The following MINDY2 variants were observed in gnomAD, a reference collection of about 807,000 sequenced individuals.
The protein encoded by MINDY2 is ubiquitin carboxyl-terminal hydrolase MINDY-2.
In MINDY2, 52 loss-of-function variants were observed where a neutral mutation model predicts 68.2. The ratio of observed to expected loss-of-function variants is 0.76; its 90% CI spans 0.61 to 0.96. The LOEUF (loss-of-function observed/expected upper bound fraction) is 0.96, where lower values mean the gene tolerates loss of function less well. MINDY2 is among the 40% of genes least tolerant of loss of function. MINDY2 has a pLI of 0.00. For missense variants in MINDY2, 881 were observed against 773.4 expected (o/e 1.14, Z -1.65); for synonymous variants, 372 against 303.0 (o/e 1.23, Z -2.36).
chr15:58,810,172 C>CT, intron 3 of MINDY2, 58 bp from the exon 4 acceptor site: 1 of 1,432,912 alleles, frequency 7.0e-7, no homozygotes, highest in Non-Finnish European at 9.5e-7. Context: ...ACTTGAATAT[C>CT]TTTTTTGTTC....
chr15:58,775,537 G>A (rs941256969), intron 1 of MINDY2, among the ~76,000 whole-genome samples: 5 of 152,156 alleles, frequency 3.3e-5, no homozygotes, highest in African/African-American at 9.7e-5. Context: ...AGTGTAGCAC[G>A]AAGAATTGAT....
intron 6 of MINDY2, among the ~76,000 whole-genome samples, chr15:58,844,410 G>A (rs1325066991): frequency 6.6e-6 from 1 of 151,924 alleles, no homozygotes; most frequent in African/African-American, 2.4e-5. Flanking sequence ...AAATTAGCCG[G>A]GCATGGTGGC....
rs1378263280 is a variant in MINDY2 at position 58,795,177 on chromosome 15, A to AT, written c.899-7136_899-7135insT. On this transcript the variant is annotated intron_variant, in intron 2 of 8. Coordinates refer to ENST00000559228, the MANE Select transcript of MINDY2 (RefSeq NM_001040450.3). ...GGCACCAGAGCGAGACTCGTCTCCAAAAAATAAATAAATAAATAAATAAAT... is the reference window on the plus strand; with the variant it reads ...GGCACCAGAGCGAGACTCGTCTCCAATAAAATAAATAAATAAATAAATAAAT... Among the ~76,000 whole-genome samples the AT allele has an allele frequency of 3.7e-3, 530 of 144,948 alleles. 7 individuals carry two copies. The highest frequency in any genetic ancestry group is 0.013 in the African/African-American group (505 of 38,742).
In MINDY2 at chr15:58,789,739, C is replaced by G. The variant is rs150260870; in HGVS notation, c.898+1776C>G. Among the ~76,000 whole-genome samples the G allele has an allele frequency of 5.5e-3, 837 of 152,290 alleles. 4 individuals are homozygous for G. The highest frequency in any genetic ancestry group is 9.1e-3 in the Non-Finnish European group (618 of 68,022). On this transcript the variant is annotated intron_variant, in intron 2 of 8. Transcript: ENST00000559228. ...CTCAGCTCACCGCAACCTCCACCTC[C>G]TGGGTTCAAGTGATTCTCCTGCCTC...
chr15:58,777,209 G>A (rs1900825824), intron 1 of MINDY2, among the ~76,000 whole-genome samples: 1 of 152,208 alleles, frequency 6.6e-6, no homozygotes, highest in Non-Finnish European at 1.5e-5. Flanking sequence ...CAGGAAGAAT[G>A]ACTGGTTAGA....
At chr15:58,845,719 T>C (rs1255290488) in intron 6 of MINDY2, among the ~76,000 whole-genome samples, 1 of 152,028 alleles carries the variant, frequency 6.6e-6, no homozygotes, top group African/African-American at 2.4e-5. Flanking sequence ...AGAAAGGAAA[T>C]CAGTATATCA....
intron 1 of MINDY2, among the ~76,000 whole-genome samples, chr15:58,772,869 G>T (rs1900532040): frequency 6.6e-6 from 1 of 152,060 alleles, no homozygotes. Context: ...AAATGGTTTG[G>T]CATTATTACC....
chr15:58,853,429 A>G (rs1490817741), intron 8 of MINDY2, among the ~76,000 whole-genome samples: 1 of 152,116 alleles, frequency 6.6e-6, no homozygotes, highest in Non-Finnish European at 1.5e-5. Flanking sequence ...AAATCCTACC[A>G]TGTTATGTGT....
chr15:58,794,256 G>T (rs1253045967), intron 2 of MINDY2, among the ~76,000 whole-genome samples: 2 of 151,966 alleles, frequency 1.3e-5, no homozygotes, highest in Non-Finnish European at 2.9e-5. Context: ...TGGATTGTAG[G>T]TCTTGATTCC....
At position 58,772,130 on chromosome 15, in the gene MINDY2, C is replaced by G. The variant is rs1176050392; in HGVS notation, c.735C>G (p.Ile245Met). The G allele has an allele frequency of 6.2e-6, 10 of 1,614,090 alleles. No individual in the cohort carries two copies. The highest frequency in any genetic ancestry group is 1.3e-5 in the African/African-American group (1 of 75,016). ...TCCCGGGACAATCTGTGTATCACAT[C>G]AAGTGGATCCAGTGGAAGGAAGAGA... ...ERFPGQSVYHIKWIQWKEENT... is the reference protein window; with the variant it reads ...ERFPGQSVYHMKWIQWKEENT... Residue 245 changes from isoleucine to methionine, a missense_variant, in exon 1 of 9, where the codon ATC becomes ATG. By Grantham distance (10) the Ile-to-Met change is conservative. Coordinates refer to ENST00000559228, the MANE Select transcript of MINDY2 (RefSeq NM_001040450.3).
intron 8 of MINDY2, among the ~76,000 whole-genome samples, chr15:58,852,943 T>G (rs796091777): frequency 0.36 from 10,409 of 28,790 alleles, 1,201 homozygotes; most frequent in East Asian, 0.51. Context: ...TTTTTTTTTT[T>G]TTTTTTTTTT....
intron 4 of MINDY2, among the ~76,000 whole-genome samples, chr15:58,817,451 C>T (rs567726017): frequency 3.3e-5 from 5 of 152,292 alleles, no homozygotes; most frequent in African/African-American, 9.6e-5. Flanking sequence ...TTACGTTGGG[C>T]GCAGTGGCTC....
At chr15:58,776,205 A>G (rs1323667375) in intron 1 of MINDY2, among the ~76,000 whole-genome samples, 1 of 152,164 alleles carries the variant, frequency 6.6e-6, no homozygotes, top group African/African-American at 2.4e-5. Flanking sequence ...GACTAAATGA[A>G]TTCTCCAGAG....
Position 58,851,801 on chromosome 15 carries a change from G to C in MINDY2, c.1573G>C (p.Glu525Gln). The C allele has an allele frequency of 1.3e-6, 2 of 1,597,524 alleles. No homozygotes were observed. The highest frequency in any genetic ancestry group is 1.7e-6 in the Non-Finnish European group (2 of 1,175,586). The part of the protein sequence containing the change: ...DYLMALSLQQ[E>Q]QQSQEINWEQ... ...TCTTATGGCATTATCTCTACAACAA[G>C]AACAGCAGAGCCAAGAGATCAATTG... The change falls in exon 8 of 9, where the codon GAA becomes CAA. Residue 525 changes from glutamate (E) to glutamine (Q), a missense_variant. Glu to Gln is a conservative substitution (Grantham distance 29). Transcript: ENST00000559228.
rs2030986204 is a variant in MINDY2 at position 58,820,424 on chromosome 15, A to G, written c.1123-1293A>G. On this transcript the variant is annotated intron_variant, in intron 4 of 8. Transcript: ENST00000559228. ...ACACCACTGCACTCCAGCCTGGGCA[A>G]CAGAGTGAGACTCCATCTCAAAAAA... Among the ~76,000 whole-genome samples the G allele has an allele frequency of 4.0e-5, 6 of 151,514 alleles. No individual in the cohort carries two copies. The South Asian group carries it at 1.3e-3, about 32-fold the overall frequency.
intron 2 of MINDY2, among the ~76,000 whole-genome samples, chr15:58,798,922 C>G (rs1382694962): frequency 3.9e-5 from 6 of 152,146 alleles, no homozygotes; most frequent in Admixed American, 3.3e-4. Flanking sequence ...TTAAATTTAT[C>G]TAACTCTTAG....
intron 8 of MINDY2, among the ~76,000 whole-genome samples, chr15:58,853,914 A>T (rs1363873733): frequency 7.2e-5 from 11 of 151,978 alleles, no homozygotes; most frequent in Admixed American, 7.2e-4. Flanking sequence ...CACTTTCCTT[A>T]ACATTTTCTA....
chr15:58,797,043 T>G (rs992928122), intron 2 of MINDY2, among the ~76,000 whole-genome samples: 6 of 152,158 alleles, frequency 3.9e-5, no homozygotes, highest in Admixed American at 1.3e-4. Context: ...TAGTAGCCAC[T>G]AGGTACATGT....
At chr15:58,793,025 A>T (rs1388111160) in intron 2 of MINDY2, among the ~76,000 whole-genome samples, 2 of 152,146 alleles carry the variant, frequency 1.3e-5, no homozygotes, top group South Asian at 2.1e-4. Context: ...GTTTAAAAAA[A>T]CCAGAATAGG....
Sources: gnomAD v4.1 joint callset for allele counts (sites outside exome capture counted in the v4.1 genomes callset) on GRCh38, gnomAD v4.1.1 for gene constraint, MANE v1.5 for transcripts, NCBI Gene and HGNC (gene_info 2026-07-23, HGNC 2026-07-21) for gene names.